Variants in CYP39A1 observed in about 807,000 individuals in gnomAD.
The protein encoded by CYP39A1 is 24-hydroxycholesterol 7-alpha-hydroxylase.
A neutral mutation model predicts 58.1 loss-of-function variants in CYP39A1; 49 were observed. The ratio of observed to expected loss-of-function variants is 0.84; its 90% confidence interval spans 0.67 to 1.07. CYP39A1 has a LOEUF of 1.07. CYP39A1 is among the 50% of genes least tolerant of loss of function. The pLI is 0.00. For missense variants in CYP39A1, 531 were observed against 539.4 expected, an observed-to-expected ratio of 0.98 and a Z score of 0.16; for synonymous variants, 209 against 187.6, an observed-to-expected ratio of 1.11 and a Z score of -0.93.
chr6:46,601,664 C>CTTA lies in CYP39A1; in HGVS notation c.932-5545_932-5544insTAA, dbSNP rs1316630715. 6.7e-4 allele frequency among the ~76,000 whole-genome samples: 91 copies of CTTA among 136,810 alleles called. No homozygotes were observed. In the South Asian group the frequency reaches 0.02, roughly 30 times the overall value. The allele number at this position is 136,810 out of a possible 152,430, so 89.8% of individuals were successfully genotyped here. ...TGGCATGTGGCAAAATCTCAGGTTA[C>CTTA]CTATTATTATTATTATTATTATTAT... On this transcript the variant is annotated intron_variant, in intron 7 of 11. Transcript: ENST00000275016.
At chr6:46,577,183 A>T (rs1771888322) in intron 10 of CYP39A1, among the ~76,000 whole-genome samples, 1 of 152,196 alleles carries the variant, frequency 6.6e-6, no homozygotes, top group Non-Finnish European at 1.5e-5. Context: ...CAAAACTAAG[A>T]TTCATAAGCA....
intron 1 of CYP39A1, among the ~76,000 whole-genome samples, chr6:46,648,848 CAAAT>C (rs1289063383): frequency 6.6e-6 from 1 of 151,232 alleles, no homozygotes; most frequent in African/African-American, 2.4e-5. Context: ...ATTGTGTCAA[CAAAT>C]AGATACTTGT....
intron 10 of CYP39A1, among the ~76,000 whole-genome samples, chr6:46,560,674 G>C (rs1312223139): frequency 1.3e-5 from 2 of 152,146 alleles, no homozygotes; most frequent in Non-Finnish European, 2.9e-5. Context: ...TTCAGGGTCA[G>C]AGATAGAAGA....
At chr6:46,624,372 C>A (rs3799870) in intron 7 of CYP39A1, among the ~76,000 whole-genome samples, 28,654 of 152,102 alleles carry the variant, frequency 0.19, 2,886 homozygotes, top group African/African-American at 0.26. Flanking sequence ...CAGTTGTCTT[C>A]TCTTATATTC....
intron 10 of CYP39A1, among the ~76,000 whole-genome samples, chr6:46,556,144 C>T (rs1309391101): frequency 6.6e-6 from 1 of 152,164 alleles, no homozygotes; most frequent in African/African-American, 2.4e-5. Flanking sequence ...TGTTATCTTC[C>T]TGCCTTAAAT....
chr6:46,621,060 A>T (rs1055751475), intron 7 of CYP39A1, among the ~76,000 whole-genome samples: 1 of 152,178 alleles, frequency 6.6e-6, no homozygotes, highest in African/African-American at 2.4e-5. Context: ...ATGAAATAAG[A>T]CATGAAATAA....
At position 46,586,824 on chromosome 6, in the gene CYP39A1, A is replaced by G. The variant is rs546178750; in HGVS notation, c.1250+253T>C. Among the ~76,000 whole-genome samples the G allele has an allele frequency of 6.2e-4, 94 of 152,280 alleles. 1 individual carries two copies. In the South Asian group the frequency reaches 0.019, roughly 30 times the overall value. On this transcript the variant is annotated intron_variant, in intron 10 of 11. Coordinates refer to ENST00000275016, the MANE Select transcript of CYP39A1 (RefSeq NM_016593.5). Reference sequence around the variant, plus strand: ...TGTGTGAAAGCTGACAATTTGAACCATAAACGCTGCTTTGATGTGGCATCT... The same window carrying G: ...TGTGTGAAAGCTGACAATTTGAACCGTAAACGCTGCTTTGATGTGGCATCT...
chr6:46,577,022 G>A (rs1324051167), intron 10 of CYP39A1, among the ~76,000 whole-genome samples: 2 of 152,144 alleles, frequency 1.3e-5, no homozygotes, highest in African/African-American at 4.8e-5. Context: ...CTTAGAGCCA[G>A]CAATGGAGAA....
In CYP39A1 at chr6:46,652,406, C is replaced by G. The variant is rs1762754000; in HGVS notation, c.177G>C (p.Lys59Asn). 1 of 1,610,506 alleles carries G rather than the reference C, an allele frequency of 6.2e-7. No homozygotes were observed. The highest frequency in any genetic ancestry group is 8.5e-7 in the Non-Finnish European group (1 of 1,178,638). ...GACCCCGTCTGCCACGACCACATACCTTGATTCTTGCTTTCTCTATAAATT... is the reference window on the plus strand; with the variant it reads ...GACCCCGTCTGCCACGACCACATACGTTGATTCTTGCTTTCTCTATAAATT... ...PLEFIEKARI[K>N]YGPIFTVFAM... Residue 59 changes from lysine (K) to asparagine (N), a missense_variant and splice_region_variant, in exon 1 of 12, where the codon AAG becomes AAC. Transcript: ENST00000275016.
chr6:46,555,425 T>C (rs1233918606), intron 10 of CYP39A1, among the ~76,000 whole-genome samples: 3 of 152,214 alleles, frequency 2.0e-5, no homozygotes, highest in African/African-American at 7.2e-5. Context: ...TATGAGGCCT[T>C]AGCACAGTGC....
intron 7 of CYP39A1, among the ~76,000 whole-genome samples, chr6:46,618,658 A>T (rs772446672): frequency 1.3e-5 from 2 of 152,160 alleles, no homozygotes; most frequent in East Asian, 3.9e-4. Flanking sequence ...CAAAGTACTG[A>T]TAAGATATTG....
intron 10 of CYP39A1, among the ~76,000 whole-genome samples, chr6:46,567,933 G>T (rs1222794258): frequency 2.0e-5 from 3 of 152,024 alleles, no homozygotes; most frequent in Non-Finnish European, 4.4e-5. Context: ...GGTGGGACTT[G>T]CAGTCTTGAA....
intron 10 of CYP39A1, among the ~76,000 whole-genome samples, chr6:46,572,512 GTT>G (rs1326530577): frequency 6.6e-6 from 1 of 152,112 alleles, no homozygotes; most frequent in East Asian, 1.9e-4. Flanking sequence ...GGCCTGTGAA[GTT>G]TCTCCTGAAA....
intron 10 of CYP39A1, among the ~76,000 whole-genome samples, chr6:46,562,727 C>A (rs1283150207): frequency 1.3e-5 from 2 of 151,332 alleles, no homozygotes; most frequent in African/African-American, 4.8e-5. Context: ...TAAAAAATTT[C>A]AAAAAAAGAT....
chr6:46,628,292 A>G (rs1049419475), intron 6 of CYP39A1, among the ~76,000 whole-genome samples: 2 of 152,234 alleles, frequency 1.3e-5, no homozygotes, highest in African/African-American at 2.4e-5. Flanking sequence ...AGAAAAATGA[A>G]CGAAATGTAC....
At chr6:46,620,641 T>G (rs572486255) in intron 7 of CYP39A1, among the ~76,000 whole-genome samples, 20 of 151,546 alleles carry the variant, frequency 1.3e-4, no homozygotes, top group African/African-American at 4.4e-4. Context: ...GGCCACAAGC[T>G]GTCATGTACA....
intron 10 of CYP39A1, chr6:46,583,409 G>T: frequency 1.0e-6 from 1 of 985,340 alleles, no homozygotes; most frequent in South Asian, 4.7e-5. Context: ...TCAACTCTCA[G>T]AGGTGCTCAC....
chr6:46,648,531 A>AG (rs1196681776), intron 1 of CYP39A1, among the ~76,000 whole-genome samples: 1 of 26,542 alleles, frequency 3.8e-5, no homozygotes. Context: ...GGGAGGGGGG[A>AG]GGGGGGAGGG....
At chr6:46,651,243 C>G (rs1554169558) in intron 1 of CYP39A1, among the ~76,000 whole-genome samples, 1 of 152,122 alleles carries the variant, frequency 6.6e-6, no homozygotes, top group Non-Finnish European at 1.5e-5. Context: ...CACAAACACG[C>G]AAGAATGTTC....
Sources: gnomAD v4.1 joint callset for allele counts (sites outside exome capture counted in the v4.1 genomes callset) on GRCh38, gnomAD v4.1.1 for gene constraint, MANE v1.5 for transcripts, NCBI Gene and HGNC (gene_info 2026-07-23, HGNC 2026-07-21) for gene names.